Variants in TRIM3 observed in about 807,000 individuals in gnomAD.
TRIM3 encodes the protein tripartite motif containing 3.
A neutral mutation model predicts 66.6 loss-of-function variants in TRIM3; 13 were observed. The ratio of observed to expected loss-of-function variants is 0.20; its 90% CI spans 0.13 to 0.31. TRIM3 has a LOEUF of 0.31. Ranked by LOEUF, TRIM3 falls within the 10% of genes least tolerant of loss-of-function variation. TRIM3 has a pLI of 1.00. For missense variants in TRIM3, 711 were observed against 1,020.4 expected (o/e 0.70, Z 4.13); for synonymous variants, 406 against 411.7 (o/e 0.99, Z 0.17).
At chr11:6,471,914 C>G (rs915166271) in intron 1 of TRIM3, among the ~76,000 whole-genome samples, 5 of 151,970 alleles carry the variant, frequency 3.3e-5, no homozygotes, top group Non-Finnish European at 7.4e-5. Context: ...CTCCAAAAGG[C>G]AGAGGTTATA....
At chr11:6,474,061 A>C (rs1160634152), upstream of TRIM3, 12 of 11,250 alleles carry the variant, frequency 1.1e-3, no homozygotes, top group African/African-American at 1.6e-3. Context: ...CCGCCTGCCC[A>C]CCCCTACCGC....
intron 2 of TRIM3, among the ~76,000 whole-genome samples, chr11:6,462,650 G>A (rs767863512): frequency 2.6e-5 from 4 of 152,088 alleles, no homozygotes; most frequent in Non-Finnish European, 4.4e-5. Context: ...AGGCTCAAGT[G>A]ATCCTCCCAC....
At chr11:6,461,854 G>GTATA (rs148981301) in intron 2 of TRIM3, among the ~76,000 whole-genome samples, 3 of 151,836 alleles carry the variant, frequency 2.0e-5, no homozygotes, top group African/African-American at 7.3e-5. Context: ...TTATTTCCCT[G>GTATA]TATATATATA....
In TRIM3 at chr11:6,457,401, G is replaced by A. The variant is rs772627879; in HGVS notation, c.591C>T (p.Ala197=). The A allele has an allele frequency of 1.9e-5, 30 of 1,613,612 alleles. No homozygotes were observed. The highest frequency in any genetic ancestry group is 2.5e-5 in the Non-Finnish European group (29 of 1,179,856). ...SQQLQERKAE[A]LAQISAAFED... Reference sequence around the variant, plus strand: ...CGAACGCTGCACTGATCTGGGCCAGGGCCTCTGCCTTGCGCTCCTGCAGCT... The same window carrying A: ...CGAACGCTGCACTGATCTGGGCCAGAGCCTCTGCCTTGCGCTCCTGCAGCT... Residue 197 remains alanine (A), a synonymous_variant, in exon 5 of 12, where the codon GCC becomes GCT. Transcript: ENST00000345851. The surrounding 1 kb of genome is among the most constrained non-coding windows in gnomAD (Gnocchi z 4.5).
In TRIM3 at chr11:6,457,220, G is replaced by T; in HGVS notation, c.696+76C>A. 1 of 1,565,780 alleles carries T rather than the reference G, an allele frequency of 6.4e-7. No homozygotes were observed. The highest frequency in any genetic ancestry group is 8.7e-7 in the Non-Finnish European group (1 of 1,152,118). ...AGGCTGGGGAATGGGGAGCTGGTGT[G>T]GAAGACAGAGGAACAATGGAGGCAA... On this transcript the variant is annotated intron_variant, in intron 5 of 11. Transcript: ENST00000345851. The surrounding 1 kb of genome is among the most constrained non-coding windows in gnomAD (Gnocchi z 4.5).
At position 6,449,611 on chromosome 11, in the gene TRIM3, T is replaced by C. The variant is rs1849638799; in HGVS notation, c.1942-165A>G. On this transcript the variant is annotated intron_variant, in intron 10 of 11. Transcript: ENST00000345851. This position sits in a 1 kb window ranked among gnomAD's most constrained non-coding sequence, Gnocchi z 5.3. ...CACATCCATGTGCCCTACTGCCTAGTAGACATCTCTTGCTGATGTCCATTG... is the reference window on the plus strand; with the variant it reads ...CACATCCATGTGCCCTACTGCCTAGCAGACATCTCTTGCTGATGTCCATTG... 4 of 570,220 alleles carry C rather than the reference T, an allele frequency of 7.0e-6. No homozygotes were observed. In the South Asian group the frequency reaches 8.2e-5, roughly 12 times the overall value. The allele number at this position is 570,220 out of a possible 1,614,324, so 35.3% of individuals were successfully genotyped here. A position where few individuals can be genotyped will look rare whatever the true frequency, so the allele number is the denominator to read the frequency against.
chr11:6,452,913 C>T lies in TRIM3; in HGVS notation c.1534-1475G>A, dbSNP rs1041445926. ...CTTTCCATTCTTAGAATTTCCAGGTCACTTTTTCAGAGAAGACTAATGACC... is the reference window on the plus strand; with the variant it reads ...CTTTCCATTCTTAGAATTTCCAGGTTACTTTTTCAGAGAAGACTAATGACC... On this transcript the variant is annotated intron_variant, in intron 7 of 11. Coordinates refer to ENST00000345851, the MANE Select transcript of TRIM3 (RefSeq NM_033278.4). 3 of 152,186 alleles carry T rather than the reference C, an allele frequency of 2.0e-5. No homozygotes were observed. The South Asian group carries it at 6.2e-4, about 32-fold the overall frequency. The allele number at this position is 152,186 out of a possible 1,614,324, so 9.4% of individuals were successfully genotyped here.
intron 7 of TRIM3, 83 bp downstream of exon 7, chr11:6,455,989 G>GGA: frequency 3.0e-6 from 4 of 1,343,662 alleles, no homozygotes; most frequent in Non-Finnish European, 4.2e-6. Context: ...TCCAGGAGGT[G>GGA]ACCTGTACAT....
intron 1 of TRIM3, among the ~76,000 whole-genome samples, chr11:6,469,111 T>C (rs1311265324): frequency 6.6e-6 from 1 of 152,196 alleles, no homozygotes; most frequent in Non-Finnish European, 1.5e-5. Context: ...GATTGAAGGT[T>C]GGCGGAAGGA....
chr11:6,467,027 A>G (rs746146371), intron 1 of TRIM3, among the ~76,000 whole-genome samples: 1 of 152,230 alleles, frequency 6.6e-6, no homozygotes. Context: ...CAGGAATTCA[A>G]TAAATATTTA....
chr11:6,468,527 G>A (rs1002360116), intron 1 of TRIM3, among the ~76,000 whole-genome samples: 3 of 152,224 alleles, frequency 2.0e-5, no homozygotes, highest in African/African-American at 7.2e-5. Context: ...AGAGAACCCA[G>A]AGAAATGGTA....
At position 6,448,881 on chromosome 11, in the gene TRIM3, GGGGGTA is replaced by G; in HGVS notation, c.*141_*146del. 2 of 924,954 alleles carry G rather than the reference GGGGGTA, an allele frequency of 2.2e-6. No individual in the cohort carries two copies. Among genetic ancestry groups the G allele is most frequent in the Non-Finnish European group, 3.4e-6 (2 of 591,376 alleles). 57.3% of individuals were successfully genotyped at this position (924,954 alleles called of 1,614,324 possible). A position where few individuals can be genotyped will look rare whatever the true frequency, so the allele number is the denominator to read the frequency against. ...ATAAATAAAGTGCAACCGTGGGGGT[GGGGGTA>G]GGAGAGGGAGGGCACCGGGTGCACC... On this transcript the variant is annotated 3_prime_UTR_variant, in exon 12 of 12. Transcript: ENST00000345851.
chr11:6,456,446 G>T lies in TRIM3; in HGVS notation c.1280C>A (p.Ser427Tyr). ...RALRPGDLPP[S>Y]PDDVKRRVKS... ...GACACGGCGCTTCACATCGTCCGGG[G>T]AAGGTGGCAGGTCCCCCGGACGCAG... The change falls in exon 6 of 12, where the codon TCC becomes TAC. Residue 427 changes from serine to tyrosine, a missense_variant. Coordinates refer to ENST00000345851, the MANE Select transcript of TRIM3 (RefSeq NM_033278.4). The surrounding 1 kb of genome is among the most constrained non-coding windows in gnomAD (Gnocchi z 6.4). 6.5e-7 allele frequency: 1 copy of T among 1,537,946 alleles called. No homozygotes were observed.
chr11:6,472,900 A>C (rs1398837235), intron 1 of TRIM3, among the ~76,000 whole-genome samples: 1 of 151,742 alleles, frequency 6.6e-6, no homozygotes, highest in East Asian at 1.9e-4. Flanking sequence ...TCCCCTGCTT[A>C]GGGGATGAAT....
intron 2 of TRIM3, among the ~76,000 whole-genome samples, chr11:6,462,045 T>C (rs1850265995): frequency 6.6e-6 from 1 of 152,178 alleles, no homozygotes; most frequent in South Asian, 2.1e-4. Flanking sequence ...GTCTACTTCT[T>C]CCTCAAGGCC....
In TRIM3 at chr11:6,450,605, A is replaced by G. The variant is rs964708952; in HGVS notation, c.1887T>C (p.Ala629=). 1.9e-6 allele frequency: 3 copies of G among 1,614,114 alleles called. No individual in the cohort carries two copies. Among genetic ancestry groups the G allele is most frequent in the South Asian group, 1.1e-5 (1 of 91,092 alleles). ...CTACAATTTCATTCTTGTTGTTCAC[A>G]GCCACAAAATGGGGCCCTGAAAATA... ...DRHFAGPHFV[A]VNNKNEIVVT... Residue 629 remains alanine (A), a synonymous_variant, in exon 10 of 12, where the codon GCT becomes GCC. Transcript: ENST00000345851. This position sits in a 1 kb window ranked among gnomAD's most constrained non-coding sequence, Gnocchi z 4.8.
chr11:6,464,843 T>C (rs1850382790), intron 2 of TRIM3, among the ~76,000 whole-genome samples: 1 of 151,940 alleles, frequency 6.6e-6, no homozygotes, highest in Non-Finnish European at 1.5e-5. Context: ...AAAAGTTAGC[T>C]GGGCGTGGCG....
At chr11:6,452,193 G>A (rs979092395) in intron 7 of TRIM3, 1 of 152,240 alleles carries the variant, frequency 6.6e-6, no homozygotes, top group Non-Finnish European at 1.5e-5. Context: ...GGCTGACAAG[G>A]AAACCTTCCT....
intron 1 of TRIM3, among the ~76,000 whole-genome samples, chr11:6,470,371 A>C (rs997764679): frequency 1.3e-5 from 2 of 152,084 alleles, no homozygotes; most frequent in African/African-American, 2.4e-5. Context: ...GAGGGTGATA[A>C]GTTTGGTGTT....
Sources: gnomAD v4.1 joint callset for allele counts (sites outside exome capture counted in the v4.1 genomes callset) on GRCh38, gnomAD v4.1.1 for gene constraint, Gnocchi (gnomAD v3.1) non-coding constraint, MANE v1.5 for transcripts, NCBI Gene and HGNC (gene_info 2026-07-23, HGNC 2026-07-21) for gene names.